SLC39A14: variants seen among roughly 807,000 people sequenced by gnomAD.
SLC39A14 encodes metal cation symporter ZIP14.
SLC39A14 carries 19 observed loss-of-function variants against 45.5 expected under a neutral mutation model. The observed-to-expected ratio is 0.42, with a 90% CI of 0.29 to 0.61. The LOEUF (loss-of-function observed/expected upper bound fraction) is 0.61, where lower values mean the gene tolerates loss of function less well. Among genes scored for constraint, SLC39A14 ranks in the 20% least tolerant of loss-of-function variants. The probability of loss-of-function intolerance (pLI) is 0.22; values close to 1 mark genes in which losing one functional copy is unlikely to be tolerated. For synonymous variants in SLC39A14, 264 were observed against 251.3 expected (o/e 1.05, Z -0.48); for missense variants, 447 against 616.5 (o/e 0.73, Z 2.91).
At chr8:22,381,633 G>C (rs1465896621) in intron 1 of SLC39A14, among the ~76,000 whole-genome samples, 1 of 152,162 alleles carries the variant, frequency 6.6e-6, no homozygotes, top group Non-Finnish European at 1.5e-5. Context: ...GGCAGGAGAG[G>C]ATTTTCCAAG....
In SLC39A14 at chr8:22,420,418, T is replaced by G. The variant is rs542810614; in HGVS notation, c.*720T>G. 1 of 985,242 alleles carries G rather than the reference T, an allele frequency of 1.0e-6. No individual in the cohort carries two copies. The highest frequency in any genetic ancestry group is 1.2e-6 in the Non-Finnish European group (1 of 829,954). 61.0% of individuals were successfully genotyped at this position (985,242 alleles called of 1,614,324 possible). ...CTGTCCGAGTGAGCTAACGTGGCGG[T>G]GTGGCTGCCTGGACCTCCTCTTTCA... On this transcript the variant is annotated 3_prime_UTR_variant, in exon 9 of 9. Coordinates refer to ENST00000381237, the MANE Select transcript of SLC39A14 (RefSeq NM_001128431.4).
intron 1 of SLC39A14, among the ~76,000 whole-genome samples, chr8:22,373,641 C>T (rs1244066413): frequency 2.0e-5 from 3 of 152,020 alleles, no homozygotes; most frequent in Non-Finnish European, 4.4e-5. Flanking sequence ...ACTTCAGGGA[C>T]CCCAGGTGTC....
At chr8:22,431,002 T>C (rs2132403259) in intron 8 of SLC39A14, among the ~76,000 whole-genome samples, 1 of 150,318 alleles carries the variant, frequency 6.7e-6, no homozygotes, top group East Asian at 2.0e-4. Flanking sequence ...TTTTTTTTTT[T>C]TTTTTGATGG....
chr8:22,398,511 G>A (rs1834647268), intron 1 of SLC39A14, among the ~76,000 whole-genome samples: 1 of 152,150 alleles, frequency 6.6e-6, no homozygotes, highest in Non-Finnish European at 1.5e-5. Flanking sequence ...AGTGGGAGTG[G>A]TGAGTTCCCT....
Position 22,422,462 on chromosome 8 carries a change from A to G in SLC39A14, c.*2764A>G. 6 of 985,884 alleles carry G rather than the reference A, an allele frequency of 6.1e-6. No individual in the cohort carries two copies. The highest frequency in any genetic ancestry group is 7.2e-6 in the Non-Finnish European group (6 of 829,936). The allele number at this position is 985,884 out of a possible 1,614,324, so 61.1% of individuals were successfully genotyped here. A position where few individuals can be genotyped will look rare whatever the true frequency, so the allele number is the denominator to read the frequency against. ...AGTCCTCTTCCAAAGAGATGGCAAT[A>G]TGCTGGGCATCTACTTTAAAACAAA... On this transcript the variant is annotated 3_prime_UTR_variant, in exon 9 of 9. Transcript: ENST00000381237.
At chr8:22,423,534 A>G (rs1836324651), downstream of SLC39A14, among the ~76,000 whole-genome samples, 2 of 151,824 alleles carry the variant, frequency 1.3e-5, no homozygotes, top group Admixed American at 6.6e-5. Context: ...ACAGGGTTTC[A>G]CCGTGTTAGC....
chr8:22,399,211 A>C (rs1834702266), intron 1 of SLC39A14, among the ~76,000 whole-genome samples: 1 of 152,188 alleles, frequency 6.6e-6, no homozygotes, highest in Non-Finnish European at 1.5e-5. Context: ...TTCCTCCTGC[A>C]GCTGGGGCCA....
intron 1 of SLC39A14, among the ~76,000 whole-genome samples, chr8:22,391,909 C>T (rs1174791162): frequency 6.6e-6 from 1 of 152,146 alleles, no homozygotes; most frequent in Non-Finnish European, 1.5e-5. Context: ...GCGATGCAGG[C>T]CGACTTCAGT....
chr8:22,432,823 T>G (rs1021141771), intron 8 of SLC39A14, among the ~76,000 whole-genome samples: 2 of 150,008 alleles, frequency 1.3e-5, no homozygotes, highest in East Asian at 1.9e-4. Context: ...ATTTTGTTTT[T>G]TTTTTTTTTT....
chr8:22,422,341 C>G lies in SLC39A14; in HGVS notation c.*2643C>G, dbSNP rs571815518. On this transcript the variant is annotated 3_prime_UTR_variant, in exon 9 of 9. Transcript: ENST00000381237. ...CTTTGCCCCCAAAGGTATTTTGTGT[C>G]TAGTGTCAAATTGGAGCTATTCTTC... The G allele has an allele frequency of 3.7e-5, 36 of 985,850 alleles. No individual in the cohort carries two copies. Among genetic ancestry groups the G allele is most frequent in the Non-Finnish European group, 4.2e-5 (35 of 829,948 alleles). 61.1% of individuals were successfully genotyped at this position (985,850 alleles called of 1,614,324 possible). A position where few individuals can be genotyped will look rare whatever the true frequency, so the allele number is the denominator to read the frequency against.
intron 1 of SLC39A14, among the ~76,000 whole-genome samples, chr8:22,370,627 T>C (rs1832873885): frequency 1.3e-5 from 2 of 152,194 alleles, no homozygotes; most frequent in Non-Finnish European, 2.9e-5. Context: ...AAGGGTTCTA[T>C]TTTTGATCCT....
intron 1 of SLC39A14, among the ~76,000 whole-genome samples, chr8:22,386,339 T>A (rs1424767030): frequency 6.6e-6 from 1 of 151,416 alleles, no homozygotes; most frequent in East Asian, 1.9e-4. Flanking sequence ...CGATCTCGGC[T>A]CACTGCAACC....
At chr8:22,377,599 T>C (rs930409743) in intron 1 of SLC39A14, among the ~76,000 whole-genome samples, 2 of 152,196 alleles carry the variant, frequency 1.3e-5, no homozygotes, top group Admixed American at 1.3e-4. Flanking sequence ...TCGTTTTATT[T>C]TAGTCTTTCC....
At chr8:22,396,957 T>C (rs926237367) in intron 1 of SLC39A14, among the ~76,000 whole-genome samples, 3 of 152,118 alleles carry the variant, frequency 2.0e-5, no homozygotes, top group Non-Finnish European at 4.4e-5. Context: ...TTTGGTTGCA[T>C]TGGTTAATTT....
chr8:22,425,896 TTTTG>T, downstream of SLC39A14, among the ~76,000 whole-genome samples: 1 of 138,842 alleles, frequency 7.2e-6, no homozygotes, highest in South Asian at 2.6e-4. Flanking sequence ...TTTGTTTTTT[TTTTG>T]TTTTTTTTTG....
chr8:22,401,755 C>G (rs929016515), intron 1 of SLC39A14, among the ~76,000 whole-genome samples: 1 of 151,778 alleles, frequency 6.6e-6, no homozygotes, highest in Admixed American at 6.6e-5. Context: ...AGGCTGGTCT[C>G]GAACTCCTGA....
intron 1 of SLC39A14, among the ~76,000 whole-genome samples, chr8:22,395,738 T>G (rs1456388070): frequency 6.6e-6 from 1 of 152,230 alleles, no homozygotes; most frequent in South Asian, 2.1e-4. Context: ...TTCCTCCGTG[T>G]GGAGCAGTGG....
rs543450161 is a variant in SLC39A14 at position 22,400,998 on chromosome 8, A to G, written c.-15-3698A>G. ...CCATATCTTATGCTGTTAGATCCTC[A>G]AAGTAATCTAATGAGGTGGATACCA... On this transcript the variant is annotated intron_variant, in intron 1 of 8. Transcript: ENST00000381237. Among the ~76,000 whole-genome samples, 8 of 152,362 alleles carry G rather than the reference A, an allele frequency of 5.3e-5. No individual in the cohort carries two copies. In the East Asian group the frequency reaches 1.2e-3, roughly 22 times the overall value.
chr8:22,378,891 G>C (rs1311110792), intron 1 of SLC39A14, among the ~76,000 whole-genome samples: 1 of 152,202 alleles, frequency 6.6e-6, no homozygotes, highest in Non-Finnish European at 1.5e-5. Context: ...TTTACCTGTG[G>C]ATCTGTGTCC....
Sources: gnomAD v4.1 joint callset for allele counts (sites outside exome capture counted in the v4.1 genomes callset) on GRCh38, gnomAD v4.1.1 for gene constraint, MANE v1.5 for transcripts, NCBI Gene and HGNC (gene_info 2026-07-23, HGNC 2026-07-21) for gene names.